HRH1: variants seen among roughly 807,000 people sequenced by gnomAD.
HRH1 encodes the protein histamine H1 receptor.
HRH1 carries 6 observed loss-of-function variants against 10.3 expected under a neutral mutation model. The ratio of observed to expected loss-of-function variants is 0.58; its 90% CI spans 0.32 to 1.15. HRH1 has a LOEUF of 1.15. Among genes scored for constraint, HRH1 ranks in the 50% most tolerant of loss-of-function variants. The pLI is 0.05. For synonymous variants in HRH1, 242 were observed against 236.7 expected (o/e 1.02, Z -0.21); for missense variants, 514 against 615.3 (o/e 0.84, Z 1.74).
intron 1 of HRH1, among the ~76,000 whole-genome samples, chr3:11,182,864 C>A (rs1161527295): frequency 6.6e-6 from 1 of 152,180 alleles, no homozygotes; most frequent in Non-Finnish European, 1.5e-5. Context: ...CAGTATCAAA[C>A]CCAGGATTTT....
chr3:11,179,678 G>T lies in HRH1; in HGVS notation c.-36+25124G>T, dbSNP rs191319320. Among the ~76,000 whole-genome samples the T allele has an allele frequency of 4.0e-5, 6 of 151,706 alleles. No individual in the cohort carries two copies. The East Asian group carries it at 1.2e-3, about 29-fold the overall frequency. On this transcript the variant is annotated intron_variant, in intron 1 of 1. Transcript: ENST00000431010. ...GAAGGATATCGCCCTGGAAGTTAGGGGGCCTGACTTCAGTTCTGAACTCAC... is the reference window on the plus strand; with the variant it reads ...GAAGGATATCGCCCTGGAAGTTAGGTGGCCTGACTTCAGTTCTGAACTCAC...
At chr3:11,234,167 A>G (rs570516463) in intron 1 of HRH1, 6 of 799,898 alleles carry the variant, frequency 7.5e-6, no homozygotes, top group Admixed American at 2.8e-5. Context: ...AACAGAGGGA[A>G]AGACACTTTC....
intron 1 of HRH1, among the ~76,000 whole-genome samples, chr3:11,250,354 C>T (rs754926258): frequency 8.6e-5 from 13 of 151,988 alleles, no homozygotes; most frequent in Non-Finnish European, 1.5e-4. Flanking sequence ...CCACCGCGCC[C>T]GGCCGCTTTT....
intron 1 of HRH1, among the ~76,000 whole-genome samples, chr3:11,159,013 C>T (rs963776287): frequency 7.9e-5 from 12 of 152,156 alleles, no homozygotes; most frequent in African/African-American, 1.4e-4. Context: ...TTTGGGAGGC[C>T]GAGGTGGGTG....
intron 1 of HRH1, among the ~76,000 whole-genome samples, chr3:11,215,235 A>G (rs1403642712): frequency 6.6e-6 from 1 of 152,234 alleles, no homozygotes; most frequent in Non-Finnish European, 1.5e-5. Context: ...CTTTGCTCCC[A>G]TGGAGACTTT....
At chr3:11,179,417 T>G (rs113857174) in intron 1 of HRH1, among the ~76,000 whole-genome samples, 16,273 of 150,292 alleles carry the variant, frequency 0.11, 1,728 homozygotes, top group African/African-American at 0.28. Flanking sequence ...TCAGGAGATC[T>G]AGAGCATCCC....
intron 1 of HRH1, among the ~76,000 whole-genome samples, chr3:11,184,399 C>T (rs1023570846): frequency 4.3e-4 from 65 of 152,108 alleles, no homozygotes; most frequent in African/African-American, 1.5e-3. Flanking sequence ...TGAACGCAGG[C>T]GGTCCATCTC....
intron 1 of HRH1, among the ~76,000 whole-genome samples, chr3:11,165,547 T>C (rs1937013818): frequency 6.6e-6 from 1 of 152,130 alleles, no homozygotes; most frequent in East Asian, 1.9e-4. Flanking sequence ...GCTCTGTAGA[T>C]CGAAGCACAA....
At chr3:11,140,824 T>C (rs933839674) in intron 1 of HRH1, among the ~76,000 whole-genome samples, 1 of 152,152 alleles carries the variant, frequency 6.6e-6, no homozygotes, top group African/African-American at 2.4e-5. Flanking sequence ...GAATTAGGGA[T>C]GTATAAGGCT....
chr3:11,207,581 G>T (rs1938182533), intron 1 of HRH1, among the ~76,000 whole-genome samples: 1 of 152,034 alleles, frequency 6.6e-6, no homozygotes, highest in African/African-American at 2.4e-5. Context: ...AAAAACAAAA[G>T]AAAGAGGCCG....
In HRH1 at chr3:11,139,008, A is replaced by G. The variant is rs57204290; in HGVS notation, c.-36+1609A>G. On this transcript the variant is annotated intron_variant, in intron 1 of 1. Coordinates refer to the HRH1 transcript ENST00000438284. ...ATTGTTCTTTTTTTTTTTTTTTTAG[A>G]AAGAATTTTGCTCTTGTTGCCCAGG... is the stretch of plus-strand genomic sequence containing the variant. Among the ~76,000 whole-genome samples, 26 of 103,116 alleles carry G rather than the reference A, an allele frequency of 2.5e-4. 1 individual carries two copies. Among genetic ancestry groups the G allele is most frequent in the East Asian group, 9.7e-4 (3 of 3,104 alleles). 67.6% of individuals were successfully genotyped at this position (103,116 alleles called of 152,430 possible).
At chr3:11,202,211 C>T (rs774947259) in intron 1 of HRH1, among the ~76,000 whole-genome samples, 1 of 152,102 alleles carries the variant, frequency 6.6e-6, no homozygotes. Flanking sequence ...CATGACCAGC[C>T]TGGCCAACAT....
intron 1 of HRH1, among the ~76,000 whole-genome samples, chr3:11,148,989 G>T (rs1936534075): frequency 1.3e-5 from 2 of 152,048 alleles, no homozygotes; most frequent in African/African-American, 4.8e-5. Flanking sequence ...ATATCCCAAA[G>T]GCTAGCACAA....
chr3:11,251,736 GC>G (rs1265370749), intron 1 of HRH1, among the ~76,000 whole-genome samples: 1 of 152,218 alleles, frequency 6.6e-6, no homozygotes, highest in Non-Finnish European at 1.5e-5. Flanking sequence ...TAACAAGATA[GC>G]CTTGTATTTT....
chr3:11,181,684 C>T (rs540356527), intron 1 of HRH1, among the ~76,000 whole-genome samples: 105 of 136,346 alleles, frequency 7.7e-4, no homozygotes, highest in African/African-American at 2.9e-3. Flanking sequence ...CAGGCTGGAG[C>T]GCAGTGGCGC....
At position 11,260,339 on chromosome 3, in the gene HRH1, C is replaced by G; in HGVS notation, c.1302C>G (p.Phe434Leu). Residue 434 changes from phenylalanine to leucine, a missense_variant, in exon 2 of 2, where the codon TTC becomes TTG. By Grantham distance (22) the Phe-to-Leu change is conservative. Coordinates refer to ENST00000431010, the MANE Select transcript of HRH1 (RefSeq NM_001098212.2). ...TCTGCTGGATCCCTTATTTCATCTT[C>G]TTCATGGTCATTGCCTTCTGCAAGA... ...FILCWIPYFI[F>L]FMVIAFCKNC... The G allele has an allele frequency of 6.2e-7, 1 of 1,614,208 alleles. No individual in the cohort carries two copies. The highest frequency in any genetic ancestry group is 2.2e-5 in the East Asian group (1 of 44,880).
intron 1 of HRH1, among the ~76,000 whole-genome samples, chr3:11,172,811 C>T (rs1211395041): frequency 6.6e-6 from 1 of 151,684 alleles, no homozygotes; most frequent in Non-Finnish European, 1.5e-5. Context: ...ACGCCATTCT[C>T]CTGCCTCAGC....
intron 1 of HRH1, among the ~76,000 whole-genome samples, chr3:11,215,607 A>C (rs1391934607): frequency 1.3e-5 from 2 of 151,960 alleles, no homozygotes; most frequent in African/African-American, 4.8e-5. Flanking sequence ...CACCTGGCTA[A>C]TTTTTTGTAT....
upstream of HRH1, among the ~76,000 whole-genome samples, chr3:11,152,859 C>A (rs945552441): frequency 2.6e-5 from 4 of 151,790 alleles, no homozygotes; most frequent in African/African-American, 7.3e-5. Context: ...TGCTAATGTG[C>A]AGAGGGCTGG....
Sources: allele counts gnomAD v4.1 joint callset (sites outside exome capture counted in the v4.1 genomes callset), GRCh38; gene constraint gnomAD v4.1.1; transcripts MANE v1.5; gene names NCBI Gene and HGNC (gene_info 2026-07-23, HGNC 2026-07-21).